Variants in RBFOX1 observed in about 807,000 individuals in gnomAD.
RBFOX1 encodes the protein RNA binding protein fox-1 homolog 1.
RBFOX1 carries 8 observed loss-of-function variants against 57.7 expected under a neutral mutation model. The observed-to-expected ratio is 0.14, with a 90% CI of 0.08 to 0.25. RBFOX1 has a LOEUF of 0.25. Among genes scored for constraint, RBFOX1 ranks in the 10% least tolerant of loss-of-function variants. The probability of loss-of-function intolerance (pLI) is 1.00; values close to 1 mark genes in which losing one functional copy is unlikely to be tolerated. For missense variants in RBFOX1, 611 were observed against 548.5 expected, an observed-to-expected ratio of 1.11 and a Z score of -1.14; for synonymous variants, 326 against 222.4, an observed-to-expected ratio of 1.47 and a Z score of -4.15.
At chr16:7,097,166 C>T (rs1460639314) in intron 4 of RBFOX1, among the ~76,000 whole-genome samples, 2 of 152,080 alleles carry the variant, frequency 1.3e-5, no homozygotes, top group African/African-American at 2.4e-5. Context: ...TCGAGCAAGA[C>T]TTTTCCAAGA....
In RBFOX1 at chr16:7,711,798, C is replaced by T. The variant is rs577579074; in HGVS notation, c.*1053C>T. ...TATGGAATTACATGATAATCATATT[C>T]GGATTTATAGAAGCATTTTACAAGT... On this transcript the variant is annotated 3_prime_UTR_variant, in exon 16 of 16. Transcript: ENST00000550418. 1.5e-4 allele frequency: 23 copies of T among 152,592 alleles called. No homozygotes were observed. The highest frequency in any genetic ancestry group is 4.1e-4 in the African/African-American group (17 of 41,518). The allele number at this position is 152,592 out of a possible 1,614,324, so 9.5% of individuals were successfully genotyped here.
At chr16:6,047,376 C>A (rs1217666147) in intron 1 of RBFOX1, among the ~76,000 whole-genome samples, 1 of 152,130 alleles carries the variant, frequency 6.6e-6, no homozygotes, top group Non-Finnish European at 1.5e-5. Context: ...AGATCCTTTC[C>A]CTGTGGTTGT....
chr16:6,924,936 T>A (rs1478157661), intron 3 of RBFOX1, among the ~76,000 whole-genome samples: 1 of 146,366 alleles, frequency 6.8e-6, no homozygotes, highest in Non-Finnish European at 1.5e-5. Flanking sequence ...GAACATGCGG[T>A]GTTTGGTTTT....
At chr16:6,999,197 TTA>T (rs1204109283) in intron 3 of RBFOX1, among the ~76,000 whole-genome samples, 3 of 117,194 alleles carry the variant, frequency 2.6e-5, no homozygotes, top group African/African-American at 6.0e-5. Flanking sequence ...TTATTTTATT[TTA>T]TTTTTTATTT....
chr16:7,317,404 T>C (rs2096464071), intron 4 of RBFOX1, among the ~76,000 whole-genome samples: 1 of 152,060 alleles, frequency 6.6e-6, no homozygotes. Context: ...GAGCTCAGAA[T>C]TTTTCATCTG....
intron 3 of RBFOX1, among the ~76,000 whole-genome samples, chr16:6,665,644 AAGG>A (rs2098727742): frequency 6.7e-6 from 1 of 150,252 alleles, no homozygotes; most frequent in Non-Finnish European, 1.5e-5. Flanking sequence ...AAAAAAGAAG[AAGG>A]AGGGAGTGTC....
intron 2 of RBFOX1, among the ~76,000 whole-genome samples, chr16:6,488,890 A>T (rs910772998): frequency 2.0e-5 from 3 of 152,212 alleles, no homozygotes; most frequent in Non-Finnish European, 4.4e-5. Flanking sequence ...TGATAGTCTA[A>T]TATAAACATG....
intron 4 of RBFOX1, among the ~76,000 whole-genome samples, chr16:7,276,889 A>C (rs1603474656): frequency 6.6e-6 from 1 of 152,220 alleles, no homozygotes; most frequent in East Asian, 1.9e-4. Context: ...ATCTGAGTGG[A>C]ATCTCAAATG....
At chr16:5,281,080 C>G (rs763808236) in intron 1 of RBFOX1, among the ~76,000 whole-genome samples, 10 of 152,098 alleles carry the variant, frequency 6.6e-5, no homozygotes, top group Non-Finnish European at 7.4e-5. Context: ...TTGCTATAAA[C>G]TTCCCTCCTA....
intron 3 of RBFOX1, among the ~76,000 whole-genome samples, chr16:6,781,266 G>T (rs905889291): frequency 6.6e-6 from 1 of 151,986 alleles, no homozygotes; most frequent in Non-Finnish European, 1.5e-5. Context: ...TCCTTTTATC[G>T]CAGGAATGAT....
At chr16:7,574,132 G>A (rs1230725480) in intron 5 of RBFOX1, among the ~76,000 whole-genome samples, 2 of 152,180 alleles carry the variant, frequency 1.3e-5, no homozygotes, top group South Asian at 2.1e-4. Context: ...CATACAGGCA[G>A]CATGTCTGTC....
chr16:7,676,946 G>C, intron 14 of RBFOX1, 108 bp downstream of exon 14: 1 of 1,139,478 alleles, frequency 8.8e-7, no homozygotes, highest in Non-Finnish European at 1.3e-6. Flanking sequence ...GCTGGGGGAG[G>C]TAGCACCCCA....
chr16:5,462,164 CTTTCTTTTTTTTTT>C (rs1373059928), intron 1 of RBFOX1, among the ~76,000 whole-genome samples: 1 of 101,080 alleles, frequency 9.9e-6, no homozygotes, highest in Non-Finnish European at 1.9e-5. Context: ...TTCTTTCTTT[CTTTCTTTTTTTTTT>C]TTTTTTTTGA....
At chr16:5,977,278 G>T (rs1005766338) in intron 4 of RBFOX1, among the ~76,000 whole-genome samples, 1 of 152,124 alleles carries the variant, frequency 6.6e-6, no homozygotes, top group African/African-American at 2.4e-5. Context: ...CATGACCCTG[G>T]AGGAGGTGTG....
At chr16:6,987,454 C>A (rs1419557515) in intron 3 of RBFOX1, among the ~76,000 whole-genome samples, 2 of 103,454 alleles carry the variant, frequency 1.9e-5, no homozygotes, top group Non-Finnish European at 3.9e-5. Context: ...GAAAACTTTT[C>A]AGACACACAC....
At chr16:7,437,297 A>C (rs1310412461) in intron 4 of RBFOX1, among the ~76,000 whole-genome samples, 3 of 149,400 alleles carry the variant, frequency 2.0e-5, no homozygotes, top group Non-Finnish European at 1.5e-5. Context: ...TTCTTCTCCA[A>C]ACAGGCAGCT....
At chr16:7,610,331 G>A (rs1423139299) in intron 10 of RBFOX1, among the ~76,000 whole-genome samples, 1 of 151,502 alleles carries the variant, frequency 6.6e-6, no homozygotes, top group Non-Finnish European at 1.5e-5. Context: ...GTGTTGGCTA[G>A]GCTGGTCTTG....
chr16:5,548,724 C>T (rs2045335293), intron 2 of RBFOX1, among the ~76,000 whole-genome samples: 1 of 152,114 alleles, frequency 6.6e-6, no homozygotes, highest in African/African-American at 2.4e-5. Context: ...GGATATTTCA[C>T]TGTCTTGAGT....
intron 4 of RBFOX1, among the ~76,000 whole-genome samples, chr16:7,444,946 A>T (rs777044361): frequency 1.3e-5 from 2 of 152,164 alleles, no homozygotes; most frequent in African/African-American, 4.8e-5. Context: ...CAAATCCGTA[A>T]TCATGGTGTG....
Sources: allele counts gnomAD v4.1 joint callset (sites outside exome capture counted in the v4.1 genomes callset), GRCh38; gene constraint gnomAD v4.1.1; transcripts MANE v1.5; gene names NCBI Gene and HGNC (gene_info 2026-07-23, HGNC 2026-07-21).